Variants in ARHGAP28 observed in about 807,000 individuals in gnomAD.
ARHGAP28 encodes rho GTPase-activating protein 28.
ARHGAP28 carries 56 observed loss-of-function variants against 90.7 expected under a neutral mutation model. That is an observed-to-expected ratio of 0.62 (90% CI 0.50 to 0.77). The LOEUF (loss-of-function observed/expected upper bound fraction) is 0.77, where lower values mean the gene tolerates loss of function less well. Among genes scored for constraint, ARHGAP28 ranks in the 30% least tolerant of loss-of-function variants. ARHGAP28 has a pLI of 0.00. For missense variants in ARHGAP28, 869 were observed against 900.9 expected, an observed-to-expected ratio of 0.96 and a Z score of 0.45; for synonymous variants, 308 against 323.3, an observed-to-expected ratio of 0.95 and a Z score of 0.51.
chr18:6,756,730 G>A (rs1016788030), intron 1 of ARHGAP28, among the ~76,000 whole-genome samples: 4 of 152,158 alleles, frequency 2.6e-5, no homozygotes, highest in Non-Finnish European at 5.9e-5. Context: ...TAGGGAAGCC[G>A]ACAGTGCAGC....
rs79435472 is a variant in ARHGAP28, at chr18:6,873,727, T to A, written c.1164T>A (p.Gly388=). 2,573 of 1,613,902 alleles carry A rather than the reference T, an allele frequency of 1.6e-3. 43 individuals carry two copies. The African/African-American group carries it at 0.031, about 20-fold the overall frequency. The stretch of plus-strand genomic sequence containing the variant: ...TTCCACTTACAGTCCTCCTGGACGG[T>A]GACCGAAAGAAAGACCCTGGAGTGA... ...FGVPLTVLLD[G]DRKKDPGVKV... The change falls in exon 9 of 18, where the codon GGT becomes GGA. Residue 388 remains glycine (G), a synonymous_variant. Coordinates refer to ENST00000383472, the MANE Select transcript of ARHGAP28 (RefSeq NM_001366230.1).
chr18:6,913,813 AT>A lies in ARHGAP28; in HGVS notation c.*1664del, dbSNP rs766795965. 6.6e-5 allele frequency: 10 copies of A among 151,836 alleles called. No individual in the cohort carries two copies. The highest frequency in any genetic ancestry group is 1.5e-4 in the Non-Finnish European group (10 of 67,978). The allele number at this position is 151,836 out of a possible 1,614,324, so 9.4% of individuals were successfully genotyped here. On this transcript the variant is annotated 3_prime_UTR_variant, in exon 18 of 18. Transcript: ENST00000383472. ...TTATGTTTATTCCTACATTTTATTC[AT>A]TTTTAATGTATGGGTAATTGGTGGC...
chr18:6,888,349 G>A lies in ARHGAP28; in HGVS notation c.1536+1110G>A, dbSNP rs182332360. ...TTTGAAATGAAATTGAGATAAGGATGAGTTGAAAAGAGATGGTAATTTTGA... is the reference window on the plus strand; with the variant it reads ...TTTGAAATGAAATTGAGATAAGGATAAGTTGAAAAGAGATGGTAATTTTGA... On this transcript the variant is annotated intron_variant, in intron 12 of 17. Transcript: ENST00000383472. Among the ~76,000 whole-genome samples, 952 of 132,420 alleles carry A rather than the reference G, an allele frequency of 7.2e-3. 10 individuals carry two copies. Among genetic ancestry groups the A allele is most frequent in the African/African-American group, 0.024 (885 of 36,580 alleles). The allele number at this position is 132,420 out of a possible 152,430, so 86.9% of individuals were successfully genotyped here. A position where few individuals can be genotyped will look rare whatever the true frequency, so the allele number is the denominator to read the frequency against.
chr18:6,910,905 C>T (rs966606949), intron 17 of ARHGAP28, among the ~76,000 whole-genome samples: 5 of 151,068 alleles, frequency 3.3e-5, no homozygotes, highest in African/African-American at 7.3e-5. Flanking sequence ...AGTGCAGTGG[C>T]GCGATCTCGG....
chr18:6,895,033 G>A, intron 15 of ARHGAP28, 142 bp downstream of exon 15: 2 of 833,422 alleles, frequency 2.4e-6, no homozygotes, highest in Non-Finnish European at 2.0e-6. Flanking sequence ...AGGAATGGTA[G>A]AGGGACCTGA....
chr18:6,890,567 C>T (rs968062150), intron 14 of ARHGAP28, 24 bp downstream of exon 14: 29 of 1,446,202 alleles, frequency 2.0e-5, no homozygotes, highest in African/African-American at 4.2e-5. Flanking sequence ...TGAGGCATGG[C>T]GATTGTCCAC....
At chr18:6,870,821 A>C in intron 7 of ARHGAP28, 89 bp downstream of exon 7, 1 of 1,363,428 alleles carries the variant, frequency 7.3e-7, no homozygotes, top group Non-Finnish European at 9.9e-7. Context: ...TTTTTTTGAG[A>C]CGGAGTCTCG....
At chr18:6,842,187 A>G (rs1461128927) in intron 3 of ARHGAP28, among the ~76,000 whole-genome samples, 2 of 152,134 alleles carry the variant, frequency 1.3e-5, no homozygotes, top group East Asian at 3.9e-4. Flanking sequence ...TGTCTCTACA[A>G]AAAAAATTTT....
chr18:6,815,947 C>T (rs1306208092), intron 1 of ARHGAP28, among the ~76,000 whole-genome samples: 4 of 151,898 alleles, frequency 2.6e-5, no homozygotes, highest in African/African-American at 9.7e-5. Context: ...TCCATATTCC[C>T]TGCTGCATAA....
chr18:6,884,330 T>A (rs2057203367), intron 11 of ARHGAP28, among the ~76,000 whole-genome samples: 1 of 152,138 alleles, frequency 6.6e-6, no homozygotes, highest in South Asian at 2.1e-4. Context: ...GCCGAGATCG[T>A]GCCACTGCAC....
At chr18:6,900,048 G>A (rs1029656347) in intron 16 of ARHGAP28, among the ~76,000 whole-genome samples, 1 of 152,238 alleles carries the variant, frequency 6.6e-6, no homozygotes, top group Non-Finnish European at 1.5e-5. Context: ...CACCCTGGTG[G>A]CAGCAGAGCC....
chr18:6,773,183 A>G (rs767673545), intron 1 of ARHGAP28, among the ~76,000 whole-genome samples: 5 of 152,356 alleles, frequency 3.3e-5, no homozygotes, highest in Non-Finnish European at 5.9e-5. Context: ...TTGTATGTTA[A>G]TGTATGCCAG....
chr18:6,779,175 A>G (rs2056306120), intron 1 of ARHGAP28: 1 of 152,176 alleles, frequency 6.6e-6, no homozygotes, highest in Non-Finnish European at 1.5e-5. Flanking sequence ...CATTATACAT[A>G]TCCAACTTTG....
intron 1 of ARHGAP28, among the ~76,000 whole-genome samples, chr18:6,768,885 C>T (rs1429527229): frequency 6.6e-6 from 1 of 152,114 alleles, no homozygotes; most frequent in East Asian, 1.9e-4. Flanking sequence ...CATTCCCTTT[C>T]TCTCAGGCAT....
chr18:6,841,210 T>TCTCTCTCTCTCCTCTCTCTCTCTC (rs1600235869), intron 3 of ARHGAP28, among the ~76,000 whole-genome samples: 2 of 94,308 alleles, frequency 2.1e-5, no homozygotes, highest in Non-Finnish European at 4.1e-5. Flanking sequence ...TCTCCTCTCC[T>TCTCTCTCTCTCCTCTCTCTCTCTC]CTCTCTCTCT....
At chr18:6,864,643 C>T (rs935562120) in intron 5 of ARHGAP28, among the ~76,000 whole-genome samples, 3 of 151,832 alleles carry the variant, frequency 2.0e-5, no homozygotes, top group African/African-American at 4.8e-5. Context: ...TAAATAGTTG[C>T]CCGTATCAGC....
chr18:6,804,386 A>C (rs2143645766), intron 1 of ARHGAP28, among the ~76,000 whole-genome samples: 1 of 152,072 alleles, frequency 6.6e-6, no homozygotes, highest in East Asian at 1.9e-4. Context: ...TCTAAAAACA[A>C]GCATTTGGTT....
chr18:6,860,765 G>T (rs981002986), intron 5 of ARHGAP28, among the ~76,000 whole-genome samples: 5 of 152,184 alleles, frequency 3.3e-5, no homozygotes, highest in African/African-American at 1.2e-4. Context: ...CTTTGCTGTT[G>T]TGTTTTTAGA....
chr18:6,887,287 G>A lies in ARHGAP28; in HGVS notation c.1536+48G>A, dbSNP rs778922194. On this transcript the variant is annotated intron_variant, in intron 12 of 17. Coordinates refer to ENST00000383472, the MANE Select transcript of ARHGAP28 (RefSeq NM_001366230.1). ...CTTGTCCTGGGGCTCTTATTGCTCAGAGGACATGGCTCATATAGGAAAATG... is the reference window on the plus strand; with the variant it reads ...CTTGTCCTGGGGCTCTTATTGCTCAAAGGACATGGCTCATATAGGAAAATG... 5 of 1,550,030 alleles carry A rather than the reference G, an allele frequency of 3.2e-6. No individual in the cohort carries two copies. The African/African-American group carries it at 5.4e-5, about 17-fold the overall frequency.
Sources: gnomAD v4.1 joint callset for allele counts (sites outside exome capture counted in the v4.1 genomes callset) on GRCh38, gnomAD v4.1.1 for gene constraint, MANE v1.5 for transcripts, NCBI Gene and HGNC (gene_info 2026-07-23, HGNC 2026-07-21) for gene names.